The following ING5 variants were observed in gnomAD, a reference collection of about 807,000 sequenced individuals.
ING5 encodes inhibitor of growth family member 5, also known as inhibitor of growth protein 5.
In ING5, 17 loss-of-function variants were observed where a neutral mutation model predicts 37.4. The ratio of observed to expected loss-of-function variants is 0.45; its 90% confidence interval spans 0.31 to 0.68. The LOEUF is 0.68. Among genes scored for constraint, ING5 ranks in the 30% least tolerant of loss-of-function variants. The probability of loss-of-function intolerance (pLI) is 0.05; values close to 1 mark genes in which losing one functional copy is unlikely to be tolerated. For synonymous variants in ING5, 123 were observed against 116.6 expected (o/e 1.06, Z -0.36); for missense variants, 233 against 311.9 (o/e 0.75, Z 1.91).
At chr2:241,721,461 G>A in intron 5 of ING5, 2 of 985,662 alleles carry the variant, frequency 2.0e-6, no homozygotes, top group South Asian at 4.7e-5. Flanking sequence ...GGGCAGCGGG[G>A]AGGCCGGGTG....
At chr2:241,698,869 C>T (rs1237538774), upstream of ING5, among the ~76,000 whole-genome samples, 1 of 152,038 alleles carries the variant, frequency 6.6e-6, no homozygotes, top group African/African-American at 2.4e-5. Context: ...GCTGGGATTA[C>T]AGGCAGCTAC....
rs191861011 is a variant in ING5 at position 241,693,748 on chromosome 2, C to T, written c.43+3095C>T. Among the ~76,000 whole-genome samples the T allele has an allele frequency of 9.8e-4, 147 of 150,654 alleles. 1 individual carries two copies. Among genetic ancestry groups the T allele is most frequent in the African/African-American group, 3.3e-3 (135 of 40,932 alleles). On this transcript the variant is annotated intron_variant, in intron 2 of 7. Coordinates refer to the ING5 transcript ENST00000636051. Reference sequence around the variant, plus strand: ...TCTCGGCTAACTGCAACCTCCACCTCCCAGGTTCAAGCAATTCTCCTGCCT... The same window carrying T: ...TCTCGGCTAACTGCAACCTCCACCTTCCAGGTTCAAGCAATTCTCCTGCCT...
intron 7 of ING5, among the ~76,000 whole-genome samples, chr2:241,724,456 C>T (rs1213882023): frequency 3.3e-5 from 5 of 152,074 alleles, no homozygotes; most frequent in African/African-American, 9.7e-5. Context: ...CTGCCTCCTG[C>T]GTGGGGAACC....
chr2:241,707,685 A>T (rs2069965869), intron 2 of ING5, among the ~76,000 whole-genome samples: 3 of 152,228 alleles, frequency 2.0e-5, no homozygotes, highest in Admixed American at 2.0e-4. Context: ...TTATTGTGAA[A>T]TGTAACATAT....
upstream of ING5, among the ~76,000 whole-genome samples, chr2:241,700,326 T>A (rs957863703): frequency 4.0e-5 from 6 of 151,004 alleles, no homozygotes; most frequent in Non-Finnish European, 8.9e-5. Context: ...CCAGCTAATT[T>A]TTTTGTAGTT....
At chr2:241,711,920 A>C in intron 4 of ING5, 58 bp from the exon 5 acceptor site, 1 of 1,455,180 alleles carries the variant, frequency 6.9e-7, no homozygotes, top group East Asian at 2.4e-5. Context: ...CAAAACACAA[A>C]ACTTGCCTTG....
At chr2:241,722,856 C>T (rs2070464802) in intron 5 of ING5, 83 bp from the exon 6 acceptor site, 1 of 1,581,810 alleles carries the variant, frequency 6.3e-7, no homozygotes, top group South Asian at 1.1e-5. Context: ...GGCCTTAAGT[C>T]AGAGACAGAA....
chr2:241,691,340 G>A (rs2069551256), intron 2 of ING5, among the ~76,000 whole-genome samples: 2 of 152,018 alleles, frequency 1.3e-5, no homozygotes, highest in South Asian at 4.2e-4. Context: ...TTGGGAGGTT[G>A]AGACAGGAGA....
At chr2:241,707,914 T>C (rs1382895134) in intron 2 of ING5, among the ~76,000 whole-genome samples, 2 of 152,140 alleles carry the variant, frequency 1.3e-5, no homozygotes, top group Non-Finnish European at 2.9e-5. Flanking sequence ...CTTTTTTTTT[T>C]CTGAGACGGA....
upstream of ING5, chr2:241,701,948 C>A: frequency 3.6e-6 from 2 of 557,448 alleles, no homozygotes; most frequent in Non-Finnish European, 5.2e-6. Context: ...ACCCCGCCCC[C>A]GGGCGCGACC....
At chr2:241,719,322 C>T (rs751146115) in intron 5 of ING5, among the ~76,000 whole-genome samples, 4 of 152,246 alleles carry the variant, frequency 2.6e-5, no homozygotes, top group Non-Finnish European at 5.9e-5. Context: ...GTGGCCAGCC[C>T]AGCCCTCACT....
At chr2:241,721,827 G>C (rs1196952018) in intron 5 of ING5, 1 of 985,486 alleles carries the variant, frequency 1.0e-6, no homozygotes, top group Non-Finnish European at 1.2e-6. Context: ...TTTCAAACAG[G>C]AAAGTCTCCA....
At chr2:241,724,013 T>C (rs1487984730) in intron 7 of ING5, 1 of 1,343,822 alleles carries the variant, frequency 7.4e-7, no homozygotes, top group Non-Finnish European at 9.7e-7. Flanking sequence ...CTGTCTCAAA[T>C]AAATAAATAA....
intron 5 of ING5, chr2:241,720,620 T>C: frequency 1.0e-6 from 1 of 985,758 alleles, no homozygotes; most frequent in Non-Finnish European, 1.2e-6. Flanking sequence ...AGCCCCCTGC[T>C]AGGAGCCACG....
intron 1 of ING5, among the ~76,000 whole-genome samples, chr2:241,689,191 C>T (rs570017862): frequency 1.3e-5 from 2 of 151,884 alleles, no homozygotes; most frequent in South Asian, 4.1e-4. Context: ...TGGCTCACTG[C>T]AACCTCCACT....
intron 5 of ING5, among the ~76,000 whole-genome samples, chr2:241,713,025 A>G (rs2070158224): frequency 6.6e-6 from 1 of 151,624 alleles, no homozygotes; most frequent in Non-Finnish European, 1.5e-5. Context: ...AAGAGAAAAA[A>G]AGAGTTCTTC....
At chr2:241,697,800 G>A (rs1483805447), upstream of ING5, among the ~76,000 whole-genome samples, 1 of 152,096 alleles carries the variant, frequency 6.6e-6, no homozygotes, top group Non-Finnish European at 1.5e-5. Flanking sequence ...AATGCACAAG[G>A]CACTGGGCGT....
At chr2:241,702,143 G>T (rs1338158446) in intron 1 of ING5, 41 bp downstream of exon 1, 85 of 1,238,524 alleles carry the variant, frequency 6.9e-5, no homozygotes, top group Non-Finnish European at 8.6e-5. Flanking sequence ...CGCCCACGCG[G>T]AGTCCTCCGT....
At chr2:241,724,283 C>G (rs966761883) in intron 7 of ING5, among the ~76,000 whole-genome samples, 6 of 152,206 alleles carry the variant, frequency 3.9e-5, no homozygotes, top group Non-Finnish European at 8.8e-5. Flanking sequence ...ACAGGCTGTC[C>G]TGTCACAGGG....
Sources: allele counts gnomAD v4.1 joint callset (sites outside exome capture counted in the v4.1 genomes callset), GRCh38; gene constraint gnomAD v4.1.1; transcripts MANE v1.5; gene names NCBI Gene and HGNC (gene_info 2026-07-23, HGNC 2026-07-21).